The following EFR3A variants were observed in gnomAD, a reference collection of about 807,000 sequenced individuals.
EFR3A encodes EFR3 homolog A, also known as protein EFR3 homolog A.
Under a neutral mutation model 104.4 loss-of-function variants are expected in EFR3A, and 76 were observed. That is an observed-to-expected ratio of 0.73 (90% CI 0.60 to 0.88). The LOEUF (loss-of-function observed/expected upper bound fraction) is 0.88. EFR3A is among the 40% of genes least tolerant of loss of function. EFR3A has a pLI of 0.00. For synonymous variants in EFR3A, 330 were observed against 330.0 expected (o/e 1.00, Z 0.00); for missense variants, 985 against 1,012.5 (o/e 0.97, Z 0.37).
intron 1 of EFR3A, among the ~76,000 whole-genome samples, chr8:131,919,085 AT>A (rs35514095): frequency 0.41 from 60,644 of 148,354 alleles, 12,584 homozygotes; most frequent in East Asian, 0.61. Context: ...TTTGTCAGTG[AT>A]TTTTTTTTTT....
intron 1 of EFR3A, among the ~76,000 whole-genome samples, chr8:131,919,581 G>C (rs941149608): frequency 7.7e-6 from 1 of 130,604 alleles, no homozygotes; most frequent in Admixed American, 8.8e-5. Flanking sequence ...GGGCGACAGA[G>C]CAAGACTCCG....
intron 5 of EFR3A, among the ~76,000 whole-genome samples, 191 bp from the exon 6 acceptor site, chr8:131,953,627 C>A (rs1262503735): frequency 1.3e-5 from 2 of 151,944 alleles, no homozygotes; most frequent in Non-Finnish European, 2.9e-5. Flanking sequence ...TTGAAGTAAG[C>A]CTTTTTGCAG....
At position 131,996,516 on chromosome 8, in the gene EFR3A, A is replaced by G; in HGVS notation, c.2157+19A>G. 1.3e-6 allele frequency: 2 copies of G among 1,528,084 alleles called. No homozygotes were observed. The highest frequency in any genetic ancestry group is 8.9e-7 in the Non-Finnish European group (1 of 1,118,998). The allele number at this position is 1,528,084 out of a possible 1,614,324, so 94.7% of individuals were successfully genotyped here. ...TGATGTGGTAAGTTACTGAAAGTTT[A>G]TGGTAGAGTACTGTCTTGGTAGACA... On this transcript the variant is annotated intron_variant, in intron 19 of 22. Transcript: ENST00000254624.
chr8:131,988,441 T>C (rs1402904964), intron 18 of EFR3A, among the ~76,000 whole-genome samples: 2 of 152,076 alleles, frequency 1.3e-5, no homozygotes, highest in Non-Finnish European at 2.9e-5. Context: ...GCAGTCTTTG[T>C]AAATGGCTTT....
At chr8:131,975,189 G>A (rs985877127) in intron 10 of EFR3A, among the ~76,000 whole-genome samples, 2 of 152,126 alleles carry the variant, frequency 1.3e-5, no homozygotes, top group African/African-American at 4.8e-5. Context: ...GTTGAATTAT[G>A]TATGTTGAAT....
At chr8:131,922,547 T>C (rs945270063) in intron 1 of EFR3A, among the ~76,000 whole-genome samples, 17 of 152,206 alleles carry the variant, frequency 1.1e-4, no homozygotes, top group African/African-American at 4.1e-4. Context: ...GGGTTAGGAC[T>C]TAAACATATT....
intron 14 of EFR3A, among the ~76,000 whole-genome samples, chr8:131,983,001 T>A (rs1164940536): frequency 6.6e-6 from 1 of 152,154 alleles, no homozygotes; most frequent in Non-Finnish European, 1.5e-5. Flanking sequence ...TCAGTCATTG[T>A]CACAGCTGGA....
Position 131,986,233 on chromosome 8 carries a change from C to T in EFR3A, c.1909C>T (p.Pro637Ser). Residue 637 changes from proline (P) to serine (S), a missense_variant, in exon 17 of 23, where the codon CCA (proline) becomes TCA (serine). By Grantham distance (74) the Pro-to-Ser change is moderately conservative. Coordinates refer to ENST00000254624, the MANE Select transcript of EFR3A (RefSeq NM_015137.6). ...IRTMEAPYFL[P>S]EHIFRDKCML... ...AACTATGGAAGCCCCTTATTTTCTA[C>T]CAGAGCATATCTTCAGAGATAAGTG... The T allele has an allele frequency of 6.3e-7, 1 of 1,590,456 alleles. No individual in the cohort carries two copies. Among genetic ancestry groups the T allele is most frequent in the Non-Finnish European group, 8.6e-7 (1 of 1,162,126 alleles).
intron 1 of EFR3A, 111 bp from the exon 2 acceptor site, chr8:131,940,388 A>G: frequency 1.0e-6 from 1 of 996,852 alleles, no homozygotes; most frequent in Non-Finnish European, 1.4e-6. Flanking sequence ...TATTTGTGAC[A>G]GTTTGAACTT....
rs996694683 is a variant in EFR3A at position 132,012,193 on chromosome 8, CTG to C, written c.*1300_*1301del. ...CATAAAACAGCATACATATCAAAAA[CTG>C]TAGCCTAGAATACAGTTTAATTTTT... is the stretch of plus-strand genomic sequence containing the variant. On this transcript the variant is annotated 3_prime_UTR_variant, in exon 23 of 23. Coordinates refer to ENST00000254624, the MANE Select transcript of EFR3A (RefSeq NM_015137.6). 1.3e-5 allele frequency: 2 copies of C among 152,128 alleles called. No individual in the cohort carries two copies. Among genetic ancestry groups the C allele is most frequent in the African/African-American group, 4.8e-5 (2 of 41,436 alleles). 9.4% of individuals were successfully genotyped at this position (152,128 alleles called of 1,614,324 possible).
At chr8:131,928,094 A>G (rs1427745484) in intron 1 of EFR3A, among the ~76,000 whole-genome samples, 1 of 152,178 alleles carries the variant, frequency 6.6e-6, no homozygotes, top group Non-Finnish European at 1.5e-5. Context: ...GAAGACATAC[A>G]TGTTGCATTC....
intron 8 of EFR3A, among the ~76,000 whole-genome samples, chr8:131,961,877 A>C (rs1819361295): frequency 6.6e-6 from 1 of 152,230 alleles, no homozygotes; most frequent in Non-Finnish European, 1.5e-5. Context: ...GAAACTCTAC[A>C]AGCCAGAAGA....
intron 9 of EFR3A, 81 bp downstream of exon 9, chr8:131,968,511 A>G: frequency 7.5e-7 from 1 of 1,329,320 alleles, no homozygotes; most frequent in Non-Finnish European, 1.0e-6. Context: ...GTGTATGAAG[A>G]ACTCTTTAAG....
In EFR3A at chr8:132,011,142, A is replaced by G; in HGVS notation, c.*247A>G. 8.6e-7 allele frequency: 1 copy of G among 1,167,082 alleles called. No homozygotes were observed. The highest frequency in any genetic ancestry group is 1.1e-6 in the Non-Finnish European group (1 of 940,968). 72.3% of individuals were successfully genotyped at this position (1,167,082 alleles called of 1,614,324 possible). ...TTCCTGTTGCCTTTTTAAGTTGAAC[A>G]TGTTTTGGTTTCACTTTATTCCACT... On this transcript the variant is annotated 3_prime_UTR_variant, in exon 23 of 23. Transcript: ENST00000254624.
At chr8:131,923,058 C>G (rs1355745381) in intron 1 of EFR3A, among the ~76,000 whole-genome samples, 1 of 152,028 alleles carries the variant, frequency 6.6e-6, no homozygotes, top group African/African-American at 2.4e-5. Context: ...ACATTTGAGA[C>G]TTGATTTGAA....
chr8:132,010,865 G>C lies in EFR3A; in HGVS notation c.2436G>C (p.Glu812Asp). 1 of 1,612,506 alleles carries C rather than the reference G, an allele frequency of 6.2e-7. No individual in the cohort carries two copies. Reference sequence around the variant, plus strand: ...AATACCAATCTGTCCCAGTCTATGAGATGAAGTTTCCAGATCTGTGTGTGT... The same window carrying C: ...AATACCAATCTGTCCCAGTCTATGACATGAAGTTTCCAGATCTGTGTGTGT... Reference protein sequence around the residue: ...HAQYQSVPVYEMKFPDLCVY With the variant: ...HAQYQSVPVYDMKFPDLCVY Residue 812 changes from glutamate (E) to aspartate (D), a missense_variant, in exon 23 of 23, where the codon GAG becomes GAC. Glu to Asp is a conservative substitution (Grantham distance 45). Transcript: ENST00000254624.
rs189343955 is a variant in EFR3A at position 131,916,659 on chromosome 8, G to T, written c.10+12337G>T. ...TGGAGTGAGGCACAGGAACCGAAGA[G>T]GGAGCAGGTGGGTCATTTTTTAAAC... On this transcript the variant is annotated intron_variant, in intron 1 of 22. Transcript: ENST00000254624. Among the ~76,000 whole-genome samples, 1,024 of 152,308 alleles carry T rather than the reference G, an allele frequency of 6.7e-3. 3 individuals are homozygous for T. The highest frequency in any genetic ancestry group is 0.017 in the Middle Eastern group (5 of 294).
rs1158104482 is a variant in EFR3A, at chr8:131,984,370, C to T, written c.1737+70C>T. The T allele has an allele frequency of 1.3e-5, 18 of 1,364,070 alleles. No individual in the cohort carries two copies. In the East Asian group the frequency reaches 3.3e-4, roughly 25 times the overall value. 84.5% of individuals were successfully genotyped at this position (1,364,070 alleles called of 1,614,324 possible). ...GCAGACAACATCTTTGAAATGTTGCCGTTATCCAAGGACATGAATTTTAAA... is the reference window on the plus strand; with the variant it reads ...GCAGACAACATCTTTGAAATGTTGCTGTTATCCAAGGACATGAATTTTAAA... On this transcript the variant is annotated intron_variant, in intron 15 of 22. Coordinates refer to ENST00000254624, the MANE Select transcript of EFR3A (RefSeq NM_015137.6).
chr8:131,954,081 G>A (rs1818852056), intron 6 of EFR3A, 114 bp downstream of exon 6: 1 of 1,054,610 alleles, frequency 9.5e-7, no homozygotes, highest in Non-Finnish European at 1.3e-6. Context: ...GTCTCGTAAA[G>A]TTAAGTGAGT....
Sources: allele counts gnomAD v4.1 joint callset (sites outside exome capture counted in the v4.1 genomes callset), GRCh38; gene constraint gnomAD v4.1.1; transcripts MANE v1.5; gene names NCBI Gene and HGNC (gene_info 2026-07-23, HGNC 2026-07-21).